Variants in C1GALT1 observed in about 807,000 individuals in gnomAD.
C1GALT1 encodes the protein core 1 synthase, glycoprotein-N-acetylgalactosamine 3-beta-galactosyltransferase 1.
In C1GALT1, 11 loss-of-function variants were observed where a neutral mutation model predicts 31.0. The observed-to-expected ratio is 0.36, with a 90% CI of 0.22 to 0.59. The LOEUF is 0.59. C1GALT1 is among the 20% of genes least tolerant of loss of function. The pLI, the probability that C1GALT1 is intolerant of heterozygous loss-of-function variation, is 0.79. For synonymous variants in C1GALT1, 175 were observed against 143.6 expected (o/e 1.22, Z -1.56); for missense variants, 424 against 425.2 (o/e 1.00, Z 0.03).
At chr7:7,239,303 G>A (rs1184180286) in intron 3 of C1GALT1, among the ~76,000 whole-genome samples, 3 of 152,224 alleles carry the variant, frequency 2.0e-5, no homozygotes, top group Admixed American at 6.5e-5. Flanking sequence ...GGGATGGAGA[G>A]TGACCCAGAG....
At chr7:7,232,167 T>C (rs1033046242) in intron 1 of C1GALT1, among the ~76,000 whole-genome samples, 5 of 152,238 alleles carry the variant, frequency 3.3e-5, no homozygotes, top group African/African-American at 1.2e-4. Flanking sequence ...TTGGCCCTAC[T>C]AATTCTCACT....
intron 2 of C1GALT1, among the ~76,000 whole-genome samples, chr7:7,162,754 T>C (rs1041848712): frequency 2.2e-4 from 34 of 152,194 alleles, no homozygotes; most frequent in African/African-American, 7.7e-4. Context: ...TGTTCCTATT[T>C]CTCCACATCC....
intron 2 of C1GALT1, among the ~76,000 whole-genome samples, chr7:7,236,259 T>C (rs1783344898): frequency 6.6e-6 from 1 of 152,166 alleles, no homozygotes; most frequent in African/African-American, 2.4e-5. Flanking sequence ...TGCCAGCCCA[T>C]GCCCAGTACA....
chr7:7,246,888 ATAACT>A lies in C1GALT1; in HGVS notation c.*3165_*3169del, dbSNP rs1240837110. On this transcript the variant is annotated 3_prime_UTR_variant, in exon 4 of 4. Coordinates refer to ENST00000436587, the MANE Select transcript of C1GALT1 (RefSeq NM_020156.5). ...GGATCACACTATATTAAATATAAAGATAACTTAAAGGATCATTGGATCATTCATTT... is the reference window on the plus strand; with the variant it reads ...GGATCACACTATATTAAATATAAAGATAAAGGATCATTGGATCATTCATTT... 4 of 152,184 alleles carry A rather than the reference ATAACT, an allele frequency of 2.6e-5. No individual in the cohort carries two copies. The highest frequency in any genetic ancestry group is 3.8e-4 in the East Asian group (2 of 5,200). 9.4% of individuals were successfully genotyped at this position (152,184 alleles called of 1,614,324 possible).
chr7:7,216,883 A>G (rs1301475209), intron 1 of C1GALT1, among the ~76,000 whole-genome samples: 1 of 152,190 alleles, frequency 6.6e-6, no homozygotes, highest in East Asian at 1.9e-4. Context: ...CAGAGAAACC[A>G]TAGAGAGAGA....
At chr7:7,203,092 GTTTTTT>G (rs35048292) in intron 1 of C1GALT1, among the ~76,000 whole-genome samples, 1 of 137,732 alleles carries the variant, frequency 7.3e-6, no homozygotes, top group Admixed American at 7.1e-5. Context: ...GTTCTAACAG[GTTTTTT>G]TTTTTTTTTG....
At chr7:7,208,782 A>G (rs570654182) in intron 1 of C1GALT1, among the ~76,000 whole-genome samples, 1 of 152,176 alleles carries the variant, frequency 6.6e-6, no homozygotes, top group Non-Finnish European at 1.5e-5. Flanking sequence ...CCACAGCTAC[A>G]TATAAGCTGC....
chr7:7,228,650 G>A (rs560191990), intron 1 of C1GALT1, among the ~76,000 whole-genome samples: 8 of 152,236 alleles, frequency 5.3e-5, no homozygotes, highest in African/African-American at 1.7e-4. Flanking sequence ...TCATAAGGCC[G>A]GAGTCCTTTA....
At chr7:7,171,957 G>A (rs1780458238) in intron 2 of C1GALT1, among the ~76,000 whole-genome samples, 2 of 151,914 alleles carry the variant, frequency 1.3e-5, no homozygotes, top group Non-Finnish European at 2.9e-5. Flanking sequence ...TTTTATATAT[G>A]TGTTTGTTAA....
Position 7,209,959 on chromosome 7 carries a change from G to A in C1GALT1, c.-17-24344G>A, listed in dbSNP as rs545651303. Among the ~76,000 whole-genome samples, 640 of 152,250 alleles carry A rather than the reference G, an allele frequency of 4.2e-3. 4 individuals carry two copies. Among genetic ancestry groups the A allele is most frequent in the Middle Eastern group, 6.8e-3 (2 of 294 alleles). Reference sequence around the variant, plus strand: ...TGGCGGGCAGGGGCGGGGGACACAAGGTGCTCAGTGGGGGAGCTTTTGAGC... The same window carrying A: ...TGGCGGGCAGGGGCGGGGGACACAAAGTGCTCAGTGGGGGAGCTTTTGAGC... On this transcript the variant is annotated intron_variant, in intron 1 of 3. Transcript: ENST00000436587.
intron 1 of C1GALT1, among the ~76,000 whole-genome samples, chr7:7,215,138 T>A (rs1782176724): frequency 6.6e-6 from 1 of 152,146 alleles, no homozygotes; most frequent in Non-Finnish European, 1.5e-5. Context: ...CCCAAGGACG[T>A]GAAACAAGAT....
intron 1 of C1GALT1, among the ~76,000 whole-genome samples, chr7:7,209,776 A>G (rs545851962): frequency 1.5e-3 from 236 of 152,344 alleles, no homozygotes; most frequent in African/African-American, 5.4e-3. Flanking sequence ...CTTTGTGTGA[A>G]CAATAAAGCT....
At chr7:7,227,098 T>C (rs537143828) in intron 1 of C1GALT1, among the ~76,000 whole-genome samples, 3 of 152,298 alleles carry the variant, frequency 2.0e-5, no homozygotes, top group Admixed American at 6.5e-5. Flanking sequence ...CTTTAGAGGA[T>C]GGGGGTCATA....
intron 1 of C1GALT1, among the ~76,000 whole-genome samples, chr7:7,214,847 C>T (rs1234559251): frequency 6.6e-6 from 1 of 152,180 alleles, no homozygotes; most frequent in Non-Finnish European, 1.5e-5. Flanking sequence ...GCCTGGGGAC[C>T]AGACCAGGAA....
chr7:7,229,612 T>C (rs1782971518), intron 1 of C1GALT1, among the ~76,000 whole-genome samples: 2 of 152,194 alleles, frequency 1.3e-5, no homozygotes, highest in Admixed American at 6.5e-5. Flanking sequence ...CCAAGATTTC[T>C]GGTTAGAGCA....
At chr7:7,170,836 T>C (rs1343742231) in intron 2 of C1GALT1, among the ~76,000 whole-genome samples, 2 of 152,202 alleles carry the variant, frequency 1.3e-5, no homozygotes, top group African/African-American at 4.8e-5. Flanking sequence ...TCATTTTCAT[T>C]ATTTTCTAGT....
intron 2 of C1GALT1, among the ~76,000 whole-genome samples, chr7:7,160,862 G>C (rs1780326006): frequency 6.6e-6 from 1 of 151,930 alleles, no homozygotes; most frequent in Non-Finnish European, 1.5e-5. Flanking sequence ...AGAGGACTTG[G>C]AACTATAGCT....
intron 2 of C1GALT1, among the ~76,000 whole-genome samples, chr7:7,159,479 C>G (rs192491248): frequency 6.6e-6 from 1 of 152,024 alleles, no homozygotes; most frequent in African/African-American, 2.4e-5. Flanking sequence ...AAATGCAAAG[C>G]GGAAGAGAAA....
intron 1 of C1GALT1, among the ~76,000 whole-genome samples, chr7:7,212,242 T>C (rs1201497023): frequency 6.6e-6 from 1 of 152,216 alleles, no homozygotes; most frequent in Non-Finnish European, 1.5e-5. Flanking sequence ...CGTTCTTTAC[T>C]GACCACAGGT....
Sources: allele counts gnomAD v4.1 joint callset (sites outside exome capture counted in the v4.1 genomes callset), GRCh38; gene constraint gnomAD v4.1.1; transcripts MANE v1.5; gene names NCBI Gene and HGNC (gene_info 2026-07-23, HGNC 2026-07-21).